DCAF11: variants seen among roughly 807,000 people sequenced by gnomAD.
DCAF11 encodes DDB1- and CUL4-associated factor 11.
Under a neutral mutation model 76.1 loss-of-function variants are expected in DCAF11, and 44 were observed. The observed-to-expected ratio is 0.58, with a 90% CI of 0.45 to 0.74. The LOEUF (loss-of-function observed/expected upper bound fraction) is 0.74. Among genes scored for constraint, DCAF11 ranks in the 30% least tolerant of loss-of-function variants. The pLI is 0.00. For missense variants in DCAF11, 604 were observed against 709.4 expected, an observed-to-expected ratio of 0.85 and a Z score of 1.69; for synonymous variants, 258 against 255.0, an observed-to-expected ratio of 1.01 and a Z score of -0.11.
Position 24,119,846 on chromosome 14 carries a change from G to C in DCAF11, c.1042G>C (p.Val348Leu), listed in dbSNP as rs1404442365. ...RTMREDDPKP[V>L]GALAGHQDGI... ...CATGCGGGAGGATGACCCCAAGCCT[G>C]TGGGTGCACTGGCTGGACACCAGGA... Residue 348 changes from valine to leucine, a missense_variant, in exon 11 of 15, where the codon GTG (valine) becomes CTG (leucine). Coordinates refer to ENST00000446197, the MANE Select transcript of DCAF11 (RefSeq NM_025230.5). The C allele has an allele frequency of 6.2e-7, 1 of 1,614,130 alleles. No homozygotes were observed. The highest frequency in any genetic ancestry group is 2.2e-5 in the East Asian group (1 of 44,882).
At chr14:24,121,803 G>C in intron 13 of DCAF11, 1 of 348,442 alleles carries the variant, frequency 2.9e-6, no homozygotes. Flanking sequence ...TGAAAGGTAG[G>C]AGGGAACAGA....
chr14:24,123,221 TC>T lies in DCAF11; in HGVS notation c.1555del (p.Gln519ArgfsTer38). The T allele has an allele frequency of 6.3e-7, 1 of 1,586,798 alleles. No homozygotes were observed. ...RLWQYRQAEY[F>X]QDDMPESEEC... is the part of the protein sequence containing the mutation. ...TGGCAGTACCGCCAGGCTGAGTACT[TC>T]CAGGATGACATGCCAGAATCTGAGG... is the stretch of plus-strand genomic sequence containing the variant. On this transcript the variant is annotated frameshift_variant, in exon 15 of 15. Coordinates refer to ENST00000446197, the MANE Select transcript of DCAF11 (RefSeq NM_025230.5). LOFTEE classifies it high-confidence loss of function.
At chr14:24,121,792 A>G in intron 13 of DCAF11, 1 of 379,640 alleles carries the variant, frequency 2.6e-6, no homozygotes, top group South Asian at 4.3e-5. Context: ...GAGGTTGCAG[A>G]TGAAAGGTAG....
chr14:24,117,808 TA>T lies in DCAF11; in HGVS notation c.476+79del. 1.4e-6 allele frequency: 2 copies of T among 1,448,128 alleles called. No homozygotes were observed. The highest frequency in any genetic ancestry group is 1.9e-6 in the Non-Finnish European group (2 of 1,046,394). The allele number at this position is 1,448,128 out of a possible 1,614,324, so 89.7% of individuals were successfully genotyped here. A position where few individuals can be genotyped will look rare whatever the true frequency, so the allele number is the denominator to read the frequency against. On this transcript the variant is annotated intron_variant, in intron 5 of 14. Transcript: ENST00000446197. The surrounding 1 kb of genome is among the most constrained non-coding windows in gnomAD (Gnocchi z 4.3). ...TCCTAAACTTTGAAGGGGTAGGTGT[TA>T]AAGGAGCCTCAGAGATATTAAAGGT...
At position 24,123,307 on chromosome 14, in the gene DCAF11, T is replaced by C. The variant is rs766890558; in HGVS notation, c.1639T>C (p.Ter547GlnextTer38). 1.3e-6 allele frequency: 2 copies of C among 1,525,774 alleles called. No individual in the cohort carries two copies. The highest frequency in any genetic ancestry group is 1.8e-6 in the Non-Finnish European group (2 of 1,137,010). The allele number at this position is 1,525,774 out of a possible 1,614,324, so 94.5% of individuals were successfully genotyped here. ...CTCTACACCCTTTTCCTCACCCCAG[T>C]AGATCCAACCTCCAGCCCCATATAG... The part of the protein sequence containing the change: ...QSSTPFSSPQ[*>Q] The change falls in exon 15 of 15, where the codon TAG becomes CAG. Residue 547 changes from the stop codon to glutamine (Q), a stop_lost. Coordinates refer to ENST00000446197, the MANE Select transcript of DCAF11 (RefSeq NM_025230.5).
chr14:24,124,798 T>C lies in DCAF11; in HGVS notation c.*1489T>C, dbSNP rs1246424230. 1 of 152,164 alleles carries C rather than the reference T, an allele frequency of 6.6e-6. No homozygotes were observed. Among genetic ancestry groups the C allele is most frequent in the Non-Finnish European group, 1.5e-5 (1 of 68,052 alleles). The allele number at this position is 152,164 out of a possible 1,614,324, so 9.4% of individuals were successfully genotyped here. ...GGTTCACACCTGTAATCCCGGCATT[T>C]TGGGAGGCCGAGATAGGTGGATCAC... On this transcript the variant is annotated 3_prime_UTR_variant, in exon 15 of 15. Coordinates refer to ENST00000446197, the MANE Select transcript of DCAF11 (RefSeq NM_025230.5).
intron 13 of DCAF11, 85 bp downstream of exon 13, chr14:24,121,602 TA>T: frequency 6.8e-7 from 1 of 1,478,388 alleles, no homozygotes; most frequent in South Asian, 1.3e-5. Context: ...GTGACCACCT[TA>T]AAAAGCCCAG....
At chr14:24,119,356 C>A in intron 9 of DCAF11, 143 bp downstream of exon 9, 2 of 1,260,052 alleles carry the variant, frequency 1.6e-6, no homozygotes, top group South Asian at 1.3e-5. Flanking sequence ...AGTTGCTTCA[C>A]CCCTTGCTCT....
Position 24,117,224 on chromosome 14 carries a change from G to C in DCAF11, c.284-42G>C. On this transcript the variant is annotated intron_variant, in intron 3 of 14. Transcript: ENST00000446197. The surrounding 1 kb of genome is among the most constrained non-coding windows in gnomAD (Gnocchi z 4.3). Reference sequence around the variant, plus strand: ...TACAGTTCTGCTAACTGTCCTCTGAGGCTGGCAGACCTAGGATGAAACTTC... The same window carrying C: ...TACAGTTCTGCTAACTGTCCTCTGACGCTGGCAGACCTAGGATGAAACTTC... 1 of 1,612,732 alleles carries C rather than the reference G, an allele frequency of 6.2e-7. No individual in the cohort carries two copies. The highest frequency in any genetic ancestry group is 8.5e-7 in the Non-Finnish European group (1 of 1,179,068).
In DCAF11 at chr14:24,124,499, G is replaced by A. The variant is rs190499013; in HGVS notation, c.*1190G>A. 6.6e-6 allele frequency: 1 copy of A among 152,388 alleles called. No individual in the cohort carries two copies. Among genetic ancestry groups the A allele is most frequent in the East Asian group, 1.9e-4 (1 of 5,188 alleles). The allele number at this position is 152,388 out of a possible 1,614,324, so 9.4% of individuals were successfully genotyped here. On this transcript the variant is annotated 3_prime_UTR_variant, in exon 15 of 15. Coordinates refer to ENST00000446197, the MANE Select transcript of DCAF11 (RefSeq NM_025230.5). ...ACCCAGCTCGGAATAGATCTTCCCT[G>A]ATGACATTTCATGCCCTCTAAGGCA... is the stretch of plus-strand genomic sequence containing the variant.
chr14:24,124,821 C>T lies in DCAF11; in HGVS notation c.*1512C>T, dbSNP rs1469529107. On this transcript the variant is annotated 3_prime_UTR_variant, in exon 15 of 15. Coordinates refer to ENST00000446197, the MANE Select transcript of DCAF11 (RefSeq NM_025230.5). ...TTTTGGGAGGCCGAGATAGGTGGAT[C>T]ACCTGAAGTCAGGTGTTTGAGACCA... The T allele has an allele frequency of 1.3e-5, 2 of 152,234 alleles. No homozygotes were observed. The highest frequency in any genetic ancestry group is 4.8e-5 in the African/African-American group (2 of 41,456). 9.4% of individuals were successfully genotyped at this position (152,234 alleles called of 1,614,324 possible).
intron 13 of DCAF11, 149 bp downstream of exon 13, chr14:24,121,666 G>T (rs1371597559): frequency 1.1e-5 from 9 of 806,062 alleles, no homozygotes; most frequent in Non-Finnish European, 1.7e-5. Context: ...CAGAGAAATA[G>T]AAACCATTCT....
Position 24,115,405 on chromosome 14 carries a change from G to T in DCAF11, c.-190G>T, listed in dbSNP as rs77883085. ...AGGATTGGAGAAGGTTTGTGTTCCC[G>T]ACGCCTTGGTAGTTGGCATAGGCTA... On this transcript the variant is annotated 5_prime_UTR_variant, in exon 2 of 15. Transcript: ENST00000446197. 1.7e-3 allele frequency: 1,174 copies of T among 674,082 alleles called. 14 individuals are homozygous for T. The African/African-American group carries it at 0.02, about 11-fold the overall frequency. 41.8% of individuals were successfully genotyped at this position (674,082 alleles called of 1,614,324 possible). A position where few individuals can be genotyped will look rare whatever the true frequency, so the allele number is the denominator to read the frequency against.
intron 14 of DCAF11, 30 bp from the exon 15 acceptor site, chr14:24,123,145 C>T (rs955406942): frequency 3.6e-5 from 58 of 1,613,826 alleles, no homozygotes; most frequent in Non-Finnish European, 4.7e-5. Flanking sequence ...GGCAGCACAT[C>T]CTGACTGCTT....
chr14:24,121,288 C>G, intron 12 of DCAF11, 77 bp from the exon 13 acceptor site: 2 of 1,575,016 alleles, frequency 1.3e-6, no homozygotes, highest in Non-Finnish European at 1.7e-6. Context: ...GGCATCGAAC[C>G]TTGCTCAGGA....
In DCAF11 at chr14:24,117,367, C is replaced by T. The variant is rs748537443; in HGVS notation, c.385C>T (p.His129Tyr). 3.1e-6 allele frequency: 5 copies of T among 1,614,244 alleles called. No individual in the cohort carries two copies. In the East Asian group the frequency reaches 8.9e-5, roughly 29 times the overall value. Residue 129 changes from histidine (H) to tyrosine (Y), a missense_variant, in exon 4 of 15, where the codon CAC becomes TAC. By Grantham distance (83) the His-to-Tyr change is moderately conservative. Transcript: ENST00000446197. The surrounding 1 kb of genome is among the most constrained non-coding windows in gnomAD (Gnocchi z 4.3). Reference protein sequence around the residue: ...QLGLRRAAQKHSFPRMLHQRE... With the variant: ...QLGLRRAAQKYSFPRMLHQRE... ...GGGGCTTAGGCGGGCCGCCCAGAAG[C>T]ACAGCTTTCCTCGAATGTTGCACCA...
chr14:24,117,548 A>G lies in DCAF11; in HGVS notation c.412-120A>G, dbSNP rs2037605559. 3 of 1,514,932 alleles carry G rather than the reference A, an allele frequency of 2.0e-6. No individual in the cohort carries two copies. Among genetic ancestry groups the G allele is most frequent in the South Asian group, 2.4e-5 (2 of 83,402 alleles). 93.8% of individuals were successfully genotyped at this position (1,514,932 alleles called of 1,614,324 possible). On this transcript the variant is annotated intron_variant, in intron 4 of 14. Transcript: ENST00000446197. The surrounding 1 kb of genome is among the most constrained non-coding windows in gnomAD (Gnocchi z 4.3). ...AGCCTCCATCGGAGTTCTGTGGGAC[A>G]GACTATGATGTGTGTGTCCATTTCT...
rs1180834682 is a variant in DCAF11 at position 24,121,480 on chromosome 14, G to C, written c.1362G>C (p.Gln454His). ...RFSPIHSTGQ[Q>H]FIYSGCSTGK... ...CCCCCATTCATAGCACTGGCCAGCA[G>C]TTCATCTACAGTGGCTGCTCCACTG... Residue 454 changes from glutamine (Q) to histidine (H), a missense_variant, in exon 13 of 15, where the codon CAG (glutamine) becomes CAC (histidine). Gln to His is a conservative substitution (Grantham distance 24). Coordinates refer to ENST00000446197, the MANE Select transcript of DCAF11 (RefSeq NM_025230.5). 1 of 1,614,080 alleles carries C rather than the reference G, an allele frequency of 6.2e-7. No homozygotes were observed. The highest frequency in any genetic ancestry group is 8.5e-7 in the Non-Finnish European group (1 of 1,180,040).
chr14:24,118,582 G>A, intron 7 of DCAF11, 48 bp downstream of exon 7: 1 of 1,606,312 alleles, frequency 6.2e-7, no homozygotes, highest in Non-Finnish European at 8.5e-7. Flanking sequence ...GGGACCTGAG[G>A]TTTCCATGTG....
Sources: allele counts gnomAD v4.1 joint callset, GRCh38; gene constraint gnomAD v4.1.1; non-coding constraint Gnocchi (gnomAD v3.1); transcripts MANE v1.5; gene names NCBI Gene and HGNC (gene_info 2026-07-23, HGNC 2026-07-21).